Variants in BCL3 observed in about 807,000 individuals in gnomAD.
The protein encoded by BCL3 is B-cell lymphoma 3 protein.
A neutral mutation model predicts 35.7 loss-of-function variants in BCL3; 15 were observed. The observed-to-expected ratio is 0.42, with a 90% CI of 0.28 to 0.65. The LOEUF (loss-of-function observed/expected upper bound fraction) is 0.65, where lower values mean the gene tolerates loss of function less well. BCL3 is among the 30% of genes least tolerant of loss of function. The pLI, the probability that BCL3 is intolerant of heterozygous loss-of-function variation, is 0.22. For synonymous variants in BCL3, 311 were observed against 284.3 expected (o/e 1.09, Z -0.95); for missense variants, 565 against 641.7 (o/e 0.88, Z 1.29).
chr19:44,749,530 G>T (rs1385725472), intron 1 of BCL3, among the ~76,000 whole-genome samples: 1 of 152,050 alleles, frequency 6.6e-6, no homozygotes, highest in South Asian at 2.1e-4. Flanking sequence ...AGGATCTCAG[G>T]ATGTCACAAT....
chr19:44,749,253 C>T (rs910200281), intron 1 of BCL3, among the ~76,000 whole-genome samples: 1 of 135,680 alleles, frequency 7.4e-6, no homozygotes, highest in African/African-American at 2.6e-5. Context: ...TTTGGGGACC[C>T]TGGGGGGCAA....
chr19:44,749,094 T>G, intron 1 of BCL3, 48 bp downstream of exon 1: 1 of 1,075,610 alleles, frequency 9.3e-7, no homozygotes, highest in Non-Finnish European at 1.2e-6. Flanking sequence ...ACACAGAGCA[T>G]AGGGTCACCA....
chr19:44,759,348 A>ACCCCCCCCCCCCCCCCCCC, intron 8 of BCL3, 80 bp from the exon 9 acceptor site: 1 of 1,067,592 alleles, frequency 9.4e-7, no homozygotes, highest in South Asian at 1.4e-5. Context: ...CCTCCCTCAG[A>ACCCCCCCCCCCCCCCCCCC]CCCAGATCTC....
rs937654034 is a variant in BCL3, at chr19:44,749,226, G to A, written c.256+180G>A. Among the ~76,000 whole-genome samples, 57 of 151,152 alleles carry A rather than the reference G, an allele frequency of 3.8e-4. No homozygotes were observed. In the East Asian group the frequency reaches 5.9e-3, roughly 16 times the overall value. On this transcript the variant is annotated intron_variant, in intron 1 of 8. Coordinates refer to ENST00000164227, the MANE Select transcript of BCL3 (RefSeq NM_005178.5). ...GATCATCGGGGAGCCAGTAAGCTGT[G>A]CCTTGGGATCTGGGGATTTGGGGAC...
chr19:44,754,708 C>T (rs986955259), intron 2 of BCL3, among the ~76,000 whole-genome samples: 5 of 152,162 alleles, frequency 3.3e-5, no homozygotes, highest in African/African-American at 1.2e-4. Flanking sequence ...GAAGGGGGGA[C>T]CCTTCCCAGG....
At chr19:44,747,976 C>A, upstream of BCL3, 1 of 1,276,946 alleles carries the variant, frequency 7.8e-7, no homozygotes, top group South Asian at 1.3e-5. Flanking sequence ...GCTGATGAGG[C>A]ACGTGGAGTG....
At chr19:44,758,607 C>A in intron 7 of BCL3, 117 bp from the exon 8 acceptor site, 1 of 1,258,658 alleles carries the variant, frequency 7.9e-7, no homozygotes, top group Non-Finnish European at 1.1e-6. Context: ...AGTGCCTTGC[C>A]CATCTTTTCA....
In BCL3 at chr19:44,748,913, C is replaced by T; in HGVS notation, c.123C>T (p.Ser41=). ...GCAAGCGCCCGCTGCGCGCGCCCTC[C>T]CCGGAGCCCGCCGCTCCCCGCGGCG... ...PLRKRPLRAP[S]PEPAAPRGAA... The change falls in exon 1 of 9, where the codon TCC becomes TCT. Residue 41 remains serine, a synonymous_variant. Transcript: ENST00000164227. The T allele has an allele frequency of 1.7e-6, 2 of 1,159,474 alleles. No individual in the cohort carries two copies. Among genetic ancestry groups the T allele is most frequent in the Non-Finnish European group, 2.1e-6 (2 of 942,976 alleles). 71.8% of individuals were successfully genotyped at this position (1,159,474 alleles called of 1,614,324 possible). A position where few individuals can be genotyped will look rare whatever the true frequency, so the allele number is the denominator to read the frequency against.
At position 44,759,793 on chromosome 19, in the gene BCL3, C is replaced by T. The variant is rs1343169283; in HGVS notation, c.*178C>T. 3.6e-5 allele frequency: 19 copies of T among 529,222 alleles called. 1 individual carries two copies. In the Admixed American group the frequency reaches 7.4e-4, roughly 21 times the overall value. 32.8% of individuals were successfully genotyped at this position (529,222 alleles called of 1,614,324 possible). On this transcript the variant is annotated 3_prime_UTR_variant, in exon 9 of 9. Coordinates refer to ENST00000164227, the MANE Select transcript of BCL3 (RefSeq NM_005178.5). Reference sequence around the variant, plus strand: ...CCCCCTCTTCTGAGCACAGATGTTCCCCCATCTCGCTCCCTCCCAGGACTC... The same window carrying T: ...CCCCCTCTTCTGAGCACAGATGTTCTCCCATCTCGCTCCCTCCCAGGACTC...
At chr19:44,752,520 T>C (rs1291415372) in intron 2 of BCL3, among the ~76,000 whole-genome samples, 1 of 152,176 alleles carries the variant, frequency 6.6e-6, no homozygotes, top group Non-Finnish European at 1.5e-5. Context: ...AGCTTTACTT[T>C]GCCATTTTCT....
upstream of BCL3, chr19:44,748,137 G>T: frequency 4.7e-6 from 6 of 1,281,464 alleles, no homozygotes; most frequent in Non-Finnish European, 6.1e-6. Flanking sequence ...GAGTAAGTGG[G>T]AACCGAGATT....
chr19:44,754,015 G>A (rs1215945961), intron 2 of BCL3, among the ~76,000 whole-genome samples: 1 of 152,170 alleles, frequency 6.6e-6, no homozygotes, highest in Admixed American at 6.5e-5. Context: ...TCACGACAGC[G>A]GCAGCAGGAC....
chr19:44,752,926 G>A (rs1170438103), intron 2 of BCL3, among the ~76,000 whole-genome samples: 1 of 152,198 alleles, frequency 6.6e-6, no homozygotes, highest in African/African-American at 2.4e-5. Context: ...AGATGAACAG[G>A]CCTGTTTCTG....
Position 44,759,880 on chromosome 19 carries a change from A to G in BCL3, c.*265A>G. ...AATGCCACCCACATCTTCCATTTCC[A>G]TGTCCCCTCCCAGAGCTGGTGGACC... On this transcript the variant is annotated 3_prime_UTR_variant, in exon 9 of 9. Coordinates refer to ENST00000164227, the MANE Select transcript of BCL3 (RefSeq NM_005178.5). The G allele has an allele frequency of 2.5e-6, 1 of 398,610 alleles. No homozygotes were observed. Among genetic ancestry groups the G allele is most frequent in the Non-Finnish European group, 4.4e-6 (1 of 225,204 alleles). The allele number at this position is 398,610 out of a possible 1,614,324, so 24.7% of individuals were successfully genotyped here. A position where few individuals can be genotyped will look rare whatever the true frequency, so the allele number is the denominator to read the frequency against.
At chr19:44,750,906 C>T (rs1051790949) in intron 1 of BCL3, among the ~76,000 whole-genome samples, 1 of 152,228 alleles carries the variant, frequency 6.6e-6, no homozygotes, top group Admixed American at 6.5e-5. Flanking sequence ...ACTCTGCAGA[C>T]AGTCCCTGGG....
intron 7 of BCL3, 114 bp downstream of exon 7, chr19:44,758,527 G>A: frequency 2.1e-6 from 3 of 1,419,420 alleles, no homozygotes; most frequent in Non-Finnish European, 2.8e-6. Flanking sequence ...TGCGTGGAGG[G>A]GAGTGGGTGA....
chr19:44,757,377 C>T lies in BCL3; in HGVS notation c.775C>T (p.Gln259Ter). Residue 259 changes from glutamine to a stop codon, truncating the protein, a stop_gained, in exon 5 of 9, where the codon CAG becomes TAG. Transcript: ENST00000164227. LOFTEE classifies it high-confidence loss of function. This position sits in a 1 kb window ranked among gnomAD's most constrained non-coding sequence, Gnocchi z 8.4. ...GAACACCGAGTGCCAAGAAACCGTG[C>T]AGCTCTTGCTAGAGCGCGGTGCCGA... ...AVNTECQETV[Q>*]LLLERGADID... 6.2e-7 allele frequency: 1 copy of T among 1,606,022 alleles called. No homozygotes were observed.
upstream of BCL3, chr19:44,747,818 C>T (rs1020418248): frequency 1.5e-5 from 17 of 1,118,822 alleles, no homozygotes; most frequent in Non-Finnish European, 1.9e-5. Context: ...CTCCATGTCT[C>T]TTTCTCTCTG....
In BCL3 at chr19:44,759,982, A is replaced by T. The variant is rs115922852; in HGVS notation, c.*367A>T. On this transcript the variant is annotated 3_prime_UTR_variant, in exon 9 of 9. Coordinates refer to ENST00000164227, the MANE Select transcript of BCL3 (RefSeq NM_005178.5). Reference sequence around the variant, plus strand: ...AGGTGGGCCGTAACGGGCACGGATCACGATGTAAATTATTAAGCATTTTGG... The same window carrying T: ...AGGTGGGCCGTAACGGGCACGGATCTCGATGTAAATTATTAAGCATTTTGG... 4.2e-3 allele frequency: 1,183 copies of T among 279,252 alleles called. 13 individuals are homozygous for T. Among genetic ancestry groups the T allele is most frequent in the African/African-American group, 0.024 (1,117 of 46,558 alleles). The allele number at this position is 279,252 out of a possible 1,614,324, so 17.3% of individuals were successfully genotyped here.
Sources: allele counts gnomAD v4.1 joint callset (sites outside exome capture counted in the v4.1 genomes callset), GRCh38; gene constraint gnomAD v4.1.1; non-coding constraint Gnocchi (gnomAD v3.1); transcripts MANE v1.5; gene names NCBI Gene and HGNC (gene_info 2026-07-23, HGNC 2026-07-21).